Variants in RHOD observed in about 807,000 individuals in gnomAD.
The protein encoded by RHOD is rho-related GTP-binding protein RhoD.
In RHOD, 11 loss-of-function variants were observed where a neutral mutation model predicts 16.7. The observed-to-expected ratio is 0.66, with a 90% CI of 0.41 to 1.09. RHOD has a LOEUF of 1.09. RHOD is among the 50% of genes least tolerant of loss of function. RHOD has a pLI of 0.00. For missense variants in RHOD, 271 were observed against 291.7 expected (o/e 0.93, Z 0.52); for synonymous variants, 124 against 126.3 (o/e 0.98, Z 0.12).
intron 3 of RHOD, among the ~76,000 whole-genome samples, chr11:67,067,651 C>T (rs1854974930): frequency 6.6e-6 from 1 of 152,054 alleles, no homozygotes; most frequent in South Asian, 2.1e-4. Flanking sequence ...CATTGGGTAC[C>T]AGGAGAGATG....
At position 67,071,299 on chromosome 11, in the gene RHOD, C is replaced by CT. The variant is rs567940541; in HGVS notation, c.466-134dup. ...AAACATGATGAAGTGCATGAGGGCG[C>CT]TTGGGCAAGCAGGGATACGGGAGCC... On this transcript the variant is annotated intron_variant, in intron 4 of 4. Transcript: ENST00000308831. The CT allele has an allele frequency of 6.2e-4, 406 of 657,228 alleles. 3 individuals carry two copies. The East Asian group carries it at 0.013, about 21-fold the overall frequency. 40.7% of individuals were successfully genotyped at this position (657,228 alleles called of 1,614,324 possible). A position where few individuals can be genotyped will look rare whatever the true frequency, so the allele number is the denominator to read the frequency against.
intron 1 of RHOD, among the ~76,000 whole-genome samples, chr11:67,064,299 A>G (rs1243590882): frequency 8.0e-5 from 11 of 137,958 alleles, no homozygotes; most frequent in Admixed American, 1.5e-4. Flanking sequence ...CCAGCTACTC[A>G]GGAGGCTGAG....
At chr11:67,063,545 C>T (rs1433544296) in intron 1 of RHOD, among the ~76,000 whole-genome samples, 2 of 145,846 alleles carry the variant, frequency 1.4e-5, no homozygotes, top group East Asian at 2.0e-4. Flanking sequence ...TGCCTGTAAT[C>T]CCAGCACTTT....
Position 67,071,889 on chromosome 11 carries a change from C to G in RHOD, c.*287C>G. ...GAGCCGCCTGTGCAGCCTGATGCCC[C>G]CTCGTGGCTGCTCCCAGGGCTGCAC... On this transcript the variant is annotated 3_prime_UTR_variant, in exon 5 of 5. Coordinates refer to ENST00000308831, the MANE Select transcript of RHOD (RefSeq NM_014578.4). 2.6e-6 allele frequency: 1 copy of G among 386,316 alleles called. No individual in the cohort carries two copies. Among genetic ancestry groups the G allele is most frequent in the Non-Finnish European group, 4.6e-6 (1 of 217,458 alleles). 23.9% of individuals were successfully genotyped at this position (386,316 alleles called of 1,614,324 possible). A position where few individuals can be genotyped will look rare whatever the true frequency, so the allele number is the denominator to read the frequency against.
At chr11:67,069,586 T>C (rs890649106) in intron 3 of RHOD, among the ~76,000 whole-genome samples, 21 of 152,168 alleles carry the variant, frequency 1.4e-4, no homozygotes, top group African/African-American at 4.1e-4. Context: ...CTCGAACTCC[T>C]GACCTCAGGT....
intron 1 of RHOD, among the ~76,000 whole-genome samples, chr11:67,062,547 A>T (rs1043541508): frequency 1.1e-4 from 16 of 152,140 alleles, no homozygotes; most frequent in African/African-American, 3.9e-4. Context: ...GCCAGCCCTT[A>T]CCTCAAGGCT....
Position 67,061,846 on chromosome 11 carries a change from A to G in RHOD, c.133-4050A>G, listed in dbSNP as rs539569319. ...TGTGTGTGTGTGTGTGTGTGTGTGT[A>G]TATATATATTAGCCAGGCGTGGTGA... On this transcript the variant is annotated intron_variant, in intron 1 of 4. Transcript: ENST00000308831. 5.1e-3 allele frequency among the ~76,000 whole-genome samples: 734 copies of G among 142,692 alleles called. 2 individuals are homozygous for G. The highest frequency in any genetic ancestry group is 0.011 in the East Asian group (51 of 4,856). 93.6% of individuals were successfully genotyped at this position (142,692 alleles called of 152,430 possible).
At chr11:67,065,136 C>A (rs544501663) in intron 1 of RHOD, among the ~76,000 whole-genome samples, 3 of 151,058 alleles carry the variant, frequency 2.0e-5, no homozygotes, top group Non-Finnish European at 4.4e-5. Context: ...AATGCAATGG[C>A]GCGATCTCAG....
At chr11:67,069,578 C>T (rs1404760407) in intron 3 of RHOD, among the ~76,000 whole-genome samples, 2 of 152,096 alleles carry the variant, frequency 1.3e-5, no homozygotes, top group Non-Finnish European at 2.9e-5. Context: ...AGGCTGGTCT[C>T]GAACTCCTGA....
intron 1 of RHOD, among the ~76,000 whole-genome samples, chr11:67,063,735 GT>G: frequency 7.1e-6 from 1 of 140,480 alleles, no homozygotes; most frequent in Non-Finnish European, 1.5e-5. Context: ...GGAGGCAGAA[GT>G]TGCATTGACC....
chr11:67,069,753 C>T (rs543297792), intron 3 of RHOD, among the ~76,000 whole-genome samples: 5 of 152,068 alleles, frequency 3.3e-5, no homozygotes, highest in East Asian at 1.9e-4. Context: ...AATGCAGTGG[C>T]GCGATCTCAG....
intron 3 of RHOD, among the ~76,000 whole-genome samples, chr11:67,068,774 T>C (rs1016863206): frequency 6.6e-6 from 1 of 150,784 alleles, no homozygotes; most frequent in Non-Finnish European, 1.5e-5. Context: ...ACCACTGCAC[T>C]CCAGTCTGGG....
At chr11:67,060,819 C>T (rs570388372) in intron 1 of RHOD, among the ~76,000 whole-genome samples, 16 of 152,352 alleles carry the variant, frequency 1.1e-4, no homozygotes, top group Admixed American at 4.6e-4. Context: ...AGCACTGAAA[C>T]ATGTCTCCCA....
Position 67,065,878 on chromosome 11 carries a change from C to T in RHOD, c.133-18C>T, listed in dbSNP as rs775049468. 19 of 1,598,958 alleles carry T rather than the reference C, an allele frequency of 1.2e-5. No homozygotes were observed. The highest frequency in any genetic ancestry group is 5.4e-5 in the African/African-American group (4 of 74,632). On this transcript the variant is annotated intron_variant, in intron 1 of 4. Transcript: ENST00000308831. ...TCCGAAGCCTCCTCACACCCTCCCC[C>T]GCCCTGCTTCTCCTCAGAGCTACAC... is the stretch of plus-strand genomic sequence containing the variant.
At chr11:67,063,592 G>A (rs1439622861) in intron 1 of RHOD, among the ~76,000 whole-genome samples, 1 of 150,190 alleles carries the variant, frequency 6.7e-6, no homozygotes, top group African/African-American at 2.5e-5. Flanking sequence ...GAGGTCGGGA[G>A]TTCAAGACCA....
intron 1 of RHOD, among the ~76,000 whole-genome samples, chr11:67,058,819 C>A (rs906590259): frequency 2.6e-5 from 4 of 152,188 alleles, no homozygotes; most frequent in African/African-American, 9.6e-5. Flanking sequence ...TAGTAGCTTG[C>A]GGAGCTGGTG....
In RHOD at chr11:67,056,893, C is replaced by T. The variant is rs540851434; in HGVS notation, c.-10C>T. 1 of 1,412,054 alleles carries T rather than the reference C, an allele frequency of 7.1e-7. No homozygotes were observed. The highest frequency in any genetic ancestry group is 3.1e-5 in the East Asian group (1 of 32,456). 87.5% of individuals were successfully genotyped at this position (1,412,054 alleles called of 1,614,324 possible). ...GCCGCCCGCCCGCCCGCTCAGCGCCCGGCCCCGGGATGACGGCGGCCCAGG... is the reference window on the plus strand; with the variant it reads ...GCCGCCCGCCCGCCCGCTCAGCGCCTGGCCCCGGGATGACGGCGGCCCAGG... On this transcript the variant is annotated 5_prime_UTR_variant, in exon 1 of 5. Coordinates refer to ENST00000308831, the MANE Select transcript of RHOD (RefSeq NM_014578.4).
intron 1 of RHOD, among the ~76,000 whole-genome samples, chr11:67,057,628 C>T (rs1854829517): frequency 6.6e-6 from 1 of 152,242 alleles, no homozygotes; most frequent in Admixed American, 6.5e-5. Context: ...TGGGCTCTGC[C>T]TTGGAGGGTG....
Position 67,071,676 on chromosome 11 carries a change from C to G in RHOD, c.*74C>G. 1 of 1,421,496 alleles carries G rather than the reference C, an allele frequency of 7.0e-7. No individual in the cohort carries two copies. The highest frequency in any genetic ancestry group is 9.4e-7 in the Non-Finnish European group (1 of 1,068,270). The allele number at this position is 1,421,496 out of a possible 1,614,324, so 88.1% of individuals were successfully genotyped here. ...GCTGCTGAGCTGGCTGGGCTGGACC[C>G]GGTCCCTAGGCTGTGACCGCCGAAC... On this transcript the variant is annotated 3_prime_UTR_variant, in exon 5 of 5. Coordinates refer to ENST00000308831, the MANE Select transcript of RHOD (RefSeq NM_014578.4).
Sources: gnomAD v4.1 joint callset for allele counts (sites outside exome capture counted in the v4.1 genomes callset) on GRCh38, gnomAD v4.1.1 for gene constraint, MANE v1.5 for transcripts, NCBI Gene and HGNC (gene_info 2026-07-23, HGNC 2026-07-21) for gene names.